USP54: variants seen among roughly 807,000 people sequenced by gnomAD.
The protein encoded by USP54 is ubiquitin specific peptidase 54.
Under a neutral mutation model 170.5 loss-of-function variants are expected in USP54, and 87 were observed. That is an observed-to-expected ratio of 0.51 (90% CI 0.43 to 0.61). The LOEUF (loss-of-function observed/expected upper bound fraction) is 0.61. Among genes scored for constraint, USP54 ranks in the 20% least tolerant of loss-of-function variants. USP54 has a pLI of 0.00. For missense variants in USP54, 1,786 were observed against 2,047.8 expected, an observed-to-expected ratio of 0.87 and a Z score of 2.47; for synonymous variants, 655 against 742.8, an observed-to-expected ratio of 0.88 and a Z score of 1.92.
At chr10:73,579,035 G>A (rs1056268445) in intron 1 of USP54, among the ~76,000 whole-genome samples, 51 of 144,856 alleles carry the variant, frequency 3.5e-4, no homozygotes, top group African/African-American at 1.1e-3. Context: ...CCACCTCCCC[G>A]GTTCAAGTGA....
At chr10:73,537,819 C>G (rs2065566431) in intron 10 of USP54, 1 of 150,966 alleles carries the variant, frequency 6.6e-6, no homozygotes, top group Non-Finnish European at 1.5e-5. Flanking sequence ...AAGGAAAGAA[C>G]ATGGCATGCC....
intron 20 of USP54, chr10:73,506,469 CCT>C (rs2059144627): frequency 6.6e-6 from 1 of 152,152 alleles, no homozygotes; most frequent in Non-Finnish European, 1.5e-5. Context: ...TGTATATGCC[CCT>C]GACCTACATT....
chr10:73,606,315 T>G (rs2079625747), intron 1 of USP54: 1 of 152,050 alleles, frequency 6.6e-6, no homozygotes, highest in Admixed American at 6.6e-5. Context: ...CCACAATTTT[T>G]TAAAAAATAA....
At chr10:73,540,366 C>T (rs1470438990) in intron 9 of USP54, among the ~76,000 whole-genome samples, 4 of 151,334 alleles carry the variant, frequency 2.6e-5, no homozygotes, top group Admixed American at 6.6e-5. Context: ...GTCAGGAGAT[C>T]GAGACCATCC....
At chr10:73,537,068 C>T (rs559824596) in intron 10 of USP54, among the ~76,000 whole-genome samples, 3 of 152,318 alleles carry the variant, frequency 2.0e-5, no homozygotes, top group Admixed American at 2.0e-4. Flanking sequence ...CAACCCAATC[C>T]TCAAACTCAC....
chr10:73,553,183 A>T (rs1363668914), intron 4 of USP54: 1 of 152,246 alleles, frequency 6.6e-6, no homozygotes, highest in Non-Finnish European at 1.5e-5. Flanking sequence ...GTTCAGTGGT[A>T]TCAACGTCTC....
At position 73,523,739 on chromosome 10, in the gene USP54, A is replaced by G. The variant is rs766086296; in HGVS notation, c.2206T>C (p.Ser736Pro). The G allele has an allele frequency of 3.0e-5, 49 of 1,613,208 alleles. No homozygotes were observed. In the South Asian group the frequency reaches 4.7e-4, roughly 16 times the overall value. ...KSQPFSGEEISSKSELDELQE... is the reference protein window; with the variant it reads ...KSQPFSGEEIPSKSELDELQE... ...AATTCATCCAGTTCACTTTTAGAAG[A>G]TATCTCCTCACCTGTAATATAAGCA... The change falls in exon 17 of 24, where the codon TCT becomes CCT. Residue 736 changes from serine (S) to proline (P), a missense_variant. Physicochemically the swap from Ser to Pro is moderately conservative, Grantham distance 74. Around this residue, in one of 3 missense-constraint regions of USP54, gnomAD observed 1,418 missense variants for 1,569.0 expected, o/e 0.90. Transcript: ENST00000687698.
chr10:73,556,375 CCTCT>C (rs2071045025), intron 4 of USP54, among the ~76,000 whole-genome samples: 1 of 148,500 alleles, frequency 6.7e-6, no homozygotes, highest in African/African-American at 2.5e-5. Flanking sequence ...ACAGAGTCTC[CCTCT>C]GTCACCCAGG....
intron 15 of USP54, among the ~76,000 whole-genome samples, chr10:73,527,551 G>A (rs1256179523): frequency 6.7e-6 from 1 of 149,092 alleles, no homozygotes; most frequent in Non-Finnish European, 1.5e-5. Context: ...TGGCAACTCA[G>A]TAAAAATAAT....
At chr10:73,578,942 C>CT (rs34362461) in intron 1 of USP54, among the ~76,000 whole-genome samples, 2,235 of 133,966 alleles carry the variant, frequency 0.017, 28 homozygotes, top group African/African-American at 0.03. Flanking sequence ...GCAAAGATTC[C>CT]TTTTTTTTTT....
chr10:73,595,131 G>A (rs1589362703), upstream of USP54, among the ~76,000 whole-genome samples: 1 of 145,380 alleles, frequency 6.9e-6, no homozygotes, highest in Admixed American at 6.7e-5. Context: ...TCACCATGTT[G>A]GCGAGGCTGG....
At chr10:73,528,099 C>A (rs1460025513) in intron 15 of USP54, among the ~76,000 whole-genome samples, 1 of 151,930 alleles carries the variant, frequency 6.6e-6, no homozygotes, top group Non-Finnish European at 1.5e-5. Context: ...CCATGCCCAG[C>A]TAATTTTTGT....
chr10:73,611,232 A>G (rs1249916117), intron 1 of USP54, among the ~76,000 whole-genome samples: 5 of 152,194 alleles, frequency 3.3e-5, no homozygotes, highest in African/African-American at 1.2e-4. Context: ...TTTTCTACCA[A>G]TATACTCTCT....
At position 73,519,853 on chromosome 10, in the gene USP54, C is replaced by T. The variant is rs372191638; in HGVS notation, c.2622G>A (p.Pro874=). 64 of 1,614,102 alleles carry T rather than the reference C, an allele frequency of 4.0e-5. 1 individual carries two copies. In the Admixed American group the frequency reaches 7.7e-4, roughly 19 times the overall value. The stretch of plus-strand genomic sequence containing the variant: ...TTGGGAGGCAGGCTGAGGGCTGCGA[C>T]GGCTGCTGTGGTGATTGCTGCTGCT... ...RMQQQQSPQQ[P]SQPSACLPTQ... Residue 874 remains proline (P), a synonymous_variant, in exon 19 of 24, where the codon CCG becomes CCA. Transcript: ENST00000687698.
chr10:73,505,194 G>C, intron 21 of USP54, 114 bp downstream of exon 21: 3 of 1,254,720 alleles, frequency 2.4e-6, no homozygotes, highest in Non-Finnish European at 2.2e-6. Flanking sequence ...ATTTTCTTCT[G>C]ATAGCCCCAT....
upstream of USP54, among the ~76,000 whole-genome samples, chr10:73,593,785 C>G (rs1311662690): frequency 6.6e-6 from 1 of 152,066 alleles, no homozygotes; most frequent in East Asian, 1.9e-4. Flanking sequence ...CTGAAAAGTC[C>G]TATTTGGTCA....
At chr10:73,523,454 G>T in intron 17 of USP54, 129 bp downstream of exon 17, 1 of 1,133,580 alleles carries the variant, frequency 8.8e-7, no homozygotes, top group Non-Finnish European at 1.2e-6. Flanking sequence ...GTTCTCACTG[G>T]AATGGGTGAA....
intron 20 of USP54, among the ~76,000 whole-genome samples, chr10:73,507,856 C>T (rs1380595188): frequency 6.6e-6 from 1 of 151,514 alleles, no homozygotes; most frequent in Non-Finnish European, 1.5e-5. Flanking sequence ...AAAAAATTAG[C>T]CAGGTATGGT....
chr10:73,590,803 A>G (rs2078158248), intron 1 of USP54, among the ~76,000 whole-genome samples: 1 of 152,172 alleles, frequency 6.6e-6, no homozygotes, highest in South Asian at 2.1e-4. Context: ...TGCTGATAGG[A>G]AAAAAGAATC....
Sources: gnomAD v4.1 joint callset for allele counts (sites outside exome capture counted in the v4.1 genomes callset) on GRCh38, gnomAD v4.1.1 for gene constraint, gnomAD v4.1.1 regional missense constraint, MANE v1.5 for transcripts, NCBI Gene and HGNC (gene_info 2026-07-23, HGNC 2026-07-21) for gene names.